Variants in DIAPH3 observed in about 807,000 individuals in gnomAD.
DIAPH3 encodes diaphanous related formin 3.
In DIAPH3, 117 loss-of-function variants were observed where a neutral mutation model predicts 144.3. That is an observed-to-expected ratio of 0.81 (90% CI 0.70 to 0.95). The LOEUF (loss-of-function observed/expected upper bound fraction) is 0.95. Ranked by LOEUF, DIAPH3 falls within the 40% of genes least tolerant of loss-of-function variation. The pLI, the probability that DIAPH3 is intolerant of heterozygous loss-of-function variation, is 0.00. For synonymous variants in DIAPH3, 519 were observed against 488.9 expected, an observed-to-expected ratio of 1.06 and a Z score of -0.81; for missense variants, 1,421 against 1,412.7, an observed-to-expected ratio of 1.01 and a Z score of -0.09.
At chr13:59,813,476 C>A (rs2040597130) in intron 24 of DIAPH3, among the ~76,000 whole-genome samples, 1 of 152,070 alleles carries the variant, frequency 6.6e-6, no homozygotes, top group African/African-American at 2.4e-5. Flanking sequence ...TGAAAGCTAG[C>A]TACAGTCAGT....
chr13:59,694,263 T>C (rs1360359503), intron 27 of DIAPH3, among the ~76,000 whole-genome samples: 1 of 152,132 alleles, frequency 6.6e-6, no homozygotes, highest in East Asian at 1.9e-4. Flanking sequence ...TACTCAAGAT[T>C]TATTTGCTAT....
intron 25 of DIAPH3, among the ~76,000 whole-genome samples, chr13:59,788,968 A>G (rs935088537): frequency 1.3e-5 from 2 of 152,188 alleles, no homozygotes; most frequent in Non-Finnish European, 2.9e-5. Flanking sequence ...CACTCTGATG[A>G]GCTTGTTCAC....
At chr13:59,908,304 G>A (rs1218734115) in intron 20 of DIAPH3, among the ~76,000 whole-genome samples, 1 of 149,550 alleles carries the variant, frequency 6.7e-6, no homozygotes, top group Non-Finnish European at 1.5e-5. Context: ...AACCCAGGAG[G>A]CGGTTGCAGT....
At chr13:60,037,822 TA>T (rs1025584579) in intron 5 of DIAPH3, among the ~76,000 whole-genome samples, 2 of 151,876 alleles carry the variant, frequency 1.3e-5, no homozygotes, top group Admixed American at 1.3e-4. Flanking sequence ...TCAGACGGGA[TA>T]AAAAAATTAT....
chr13:60,105,099 CAAAAAAAAAAAAA>C (rs60853102), intron 3 of DIAPH3, among the ~76,000 whole-genome samples: 2 of 41,826 alleles, frequency 4.8e-5, no homozygotes, highest in South Asian at 1.7e-3. Context: ...GACACGATCT[CAAAAAAAAAAAAA>C]AAAAAAAAAA....
At chr13:59,853,304 A>G (rs1214811017) in intron 22 of DIAPH3, among the ~76,000 whole-genome samples, 1 of 152,206 alleles carries the variant, frequency 6.6e-6, no homozygotes, top group African/African-American at 2.4e-5. Flanking sequence ...CAATAAAAAA[A>G]TTCCTTAAAT....
chr13:60,150,585 C>A (rs17057726), intron 1 of DIAPH3, among the ~76,000 whole-genome samples: 9,100 of 152,144 alleles, frequency 0.06, 432 homozygotes, highest in East Asian at 0.29. Context: ...TAGTGCCCAG[C>A]CCGTTGTATG....
chr13:59,971,212 G>T, intron 15 of DIAPH3, 52 bp from the exon 16 acceptor site: 1 of 1,503,584 alleles, frequency 6.7e-7, no homozygotes, highest in Non-Finnish European at 9.0e-7. Context: ...TACAAAACAT[G>T]TAAATATGCA....
At chr13:59,952,864 A>T (rs1687041352) in intron 17 of DIAPH3, among the ~76,000 whole-genome samples, 1 of 152,216 alleles carries the variant, frequency 6.6e-6, no homozygotes, top group Non-Finnish European at 1.5e-5. Flanking sequence ...TCCAGCAAAC[A>T]TTCAATGCCC....
intron 4 of DIAPH3, among the ~76,000 whole-genome samples, chr13:60,046,345 T>C (rs182676619): frequency 1.3e-5 from 2 of 152,304 alleles, no homozygotes; most frequent in Admixed American, 1.3e-4. Flanking sequence ...CGGAAGACAT[T>C]TATGTGGCCA....
chr13:60,045,272 G>A (rs2055990458), intron 4 of DIAPH3, among the ~76,000 whole-genome samples: 1 of 151,962 alleles, frequency 6.6e-6, no homozygotes, highest in South Asian at 2.1e-4. Flanking sequence ...CCCGGGAGGT[G>A]AAGGTTGAGG....
intron 24 of DIAPH3, among the ~76,000 whole-genome samples, chr13:59,812,193 C>A (rs1297052283): frequency 6.6e-6 from 1 of 151,946 alleles, no homozygotes; most frequent in Non-Finnish European, 1.5e-5. Context: ...TTTTGACCAA[C>A]AACAAAAAGA....
intron 27 of DIAPH3, among the ~76,000 whole-genome samples, chr13:59,715,133 T>C (rs1318582006): frequency 6.6e-6 from 1 of 152,192 alleles, no homozygotes; most frequent in Admixed American, 6.5e-5. Flanking sequence ...TCTCTTTCGT[T>C]CATCTAATAT....
chr13:60,018,808 T>C (rs1408161666), intron 5 of DIAPH3, among the ~76,000 whole-genome samples: 1 of 151,922 alleles, frequency 6.6e-6, no homozygotes, highest in South Asian at 2.1e-4. Context: ...ACAAGAAAAG[T>C]GGGACAGGGT....
chr13:59,714,240 G>T (rs879871152), intron 27 of DIAPH3, among the ~76,000 whole-genome samples: 1 of 150,086 alleles, frequency 6.7e-6, no homozygotes, highest in Admixed American at 6.6e-5. Context: ...GGCGCCTGTA[G>T]TCCCAGCTAC....
At position 59,739,678 on chromosome 13, in the gene DIAPH3, A is replaced by G. The variant is rs1799682379; in HGVS notation, c.3319+34511T>C. ...CATAGAGAGATTAAACATAAAGTAA[A>G]TATCAAAACTGAGATTTGAATCCAA... On this transcript the variant is annotated intron_variant, in intron 27 of 27. Transcript: ENST00000400324. Among the ~76,000 whole-genome samples, 6 of 152,166 alleles carry G rather than the reference A, an allele frequency of 3.9e-5. No homozygotes were observed. In the South Asian group the frequency reaches 1.2e-3, roughly 32 times the overall value.
chr13:59,673,459 G>C (rs963067933), intron 27 of DIAPH3, among the ~76,000 whole-genome samples: 35 of 152,106 alleles, frequency 2.3e-4, no homozygotes, highest in African/African-American at 6.8e-4. Flanking sequence ...CCTGGGAGGT[G>C]GCCTCTAAAG....
At position 59,833,288 on chromosome 13, in the gene DIAPH3, G is replaced by GT. The variant is rs1300767469; in HGVS notation, c.2863-18dup. On this transcript the variant is annotated splice_polypyrimidine_tract_variant and intron_variant, in intron 23 of 27. Transcript: ENST00000400324. The stretch of plus-strand genomic sequence containing the variant: ...AACAAATCTGTATACTATAGTTAAG[G>GT]TATTCTGAAATTTACAAAGTAATGC... 2.5e-6 allele frequency: 4 copies of GT among 1,593,884 alleles called. No homozygotes were observed. Among genetic ancestry groups the GT allele is most frequent in the Non-Finnish European group, 2.6e-6 (3 of 1,166,558 alleles).
chr13:60,023,082 G>A (rs538897345), intron 5 of DIAPH3, among the ~76,000 whole-genome samples: 3 of 152,254 alleles, frequency 2.0e-5, no homozygotes, highest in Admixed American at 2.0e-4. Flanking sequence ...ATTGCTGTCT[G>A]CTCTGCTATT....
Sources: allele counts gnomAD v4.1 joint callset (sites outside exome capture counted in the v4.1 genomes callset), GRCh38; gene constraint gnomAD v4.1.1; transcripts MANE v1.5; gene names NCBI Gene and HGNC (gene_info 2026-07-23, HGNC 2026-07-21).